Variants in PDZD2 observed in about 807,000 individuals in gnomAD.
PDZD2 encodes the protein PDZ domain-containing protein 2.
A neutral mutation model predicts 220.7 loss-of-function variants in PDZD2; 90 were observed. That is an observed-to-expected ratio of 0.41 (90% CI 0.34 to 0.49). The LOEUF (loss-of-function observed/expected upper bound fraction) is 0.49. PDZD2 is among the 20% of genes least tolerant of loss of function. PDZD2 has a pLI of 0.28. For missense variants in PDZD2, 3,174 were observed against 3,608.5 expected, an observed-to-expected ratio of 0.88 and a Z score of 3.08; for synonymous variants, 1,375 against 1,450.5, an observed-to-expected ratio of 0.95 and a Z score of 1.18.
intron 2 of PDZD2, among the ~76,000 whole-genome samples, chr5:31,829,934 G>A (rs1317418194): frequency 6.6e-6 from 1 of 151,930 alleles, no homozygotes; most frequent in Non-Finnish European, 1.5e-5. Flanking sequence ...TGTAATCCCA[G>A]CTGCTCTGGA....
chr5:32,046,959 C>G (rs952509335), intron 7 of PDZD2, among the ~76,000 whole-genome samples: 1 of 152,112 alleles, frequency 6.6e-6, no homozygotes, highest in African/African-American at 2.4e-5. Context: ...AGGAGAATCA[C>G]TTGAACCTGG....
At chr5:31,847,783 C>T (rs1757672472) in intron 2 of PDZD2, 10 of 580,938 alleles carry the variant, frequency 1.7e-5, no homozygotes, top group South Asian at 1.4e-4. Context: ...CTTGTCTATC[C>T]CTTGCAGTAC....
At chr5:31,742,234 G>A (rs1306059769) in intron 1 of PDZD2, 1 of 152,148 alleles carries the variant, frequency 6.6e-6, no homozygotes, top group Non-Finnish European at 1.5e-5. Flanking sequence ...AAACAACACA[G>A]GTGAAATAAT....
Position 31,821,479 on chromosome 5 carries a change from C to G in PDZD2, c.476+21755C>G, listed in dbSNP as rs577584178. Among the ~76,000 whole-genome samples, 11 of 152,058 alleles carry G rather than the reference C, an allele frequency of 7.2e-5. No homozygotes were observed. In the East Asian group the frequency reaches 2.1e-3, roughly 29 times the overall value. ...CACTGCAACCTCCGTCTCCCAGGTT[C>G]AAGTGATTTTCCTGCCTCAGCCTCC... On this transcript the variant is annotated intron_variant, in intron 2 of 24. Coordinates refer to ENST00000438447, the MANE Select transcript of PDZD2 (RefSeq NM_178140.4).
chr5:31,976,714 C>CTTTT (rs869280921), intron 2 of PDZD2, among the ~76,000 whole-genome samples: 167 of 99,686 alleles, frequency 1.7e-3, no homozygotes, highest in East Asian at 2.8e-3. Flanking sequence ...TTTCTTCTTT[C>CTTTT]TTTTTTTTTT....
chr5:31,853,530 T>C (rs920710362), intron 2 of PDZD2, among the ~76,000 whole-genome samples: 1 of 152,202 alleles, frequency 6.6e-6, no homozygotes, highest in African/African-American at 2.4e-5. Context: ...TTATTTACTA[T>C]GTGCTCTGGG....
chr5:31,880,094 AT>A (rs375822546), intron 2 of PDZD2, among the ~76,000 whole-genome samples: 4 of 149,300 alleles, frequency 2.7e-5, no homozygotes, highest in Non-Finnish European at 4.5e-5. Flanking sequence ...TACTTTTTGT[AT>A]TTTTTTTTAG....
intron 2 of PDZD2, among the ~76,000 whole-genome samples, chr5:31,815,305 G>C (rs1439415275): frequency 2.1e-5 from 3 of 145,244 alleles, no homozygotes; most frequent in Admixed American, 2.0e-4. Context: ...GACTGTAAAA[G>C]GTGCTAGACT....
rs576736192 is a variant in PDZD2, at chr5:32,048,419, G to C, written c.1520-120G>C. On this transcript the variant is annotated intron_variant, in intron 7 of 24. Coordinates refer to ENST00000438447, the MANE Select transcript of PDZD2 (RefSeq NM_178140.4). ...TAGGCTCTGTGCTTTGAGTGTATTG[G>C]ACGCTAGGCTTCTCAAAACCATGAA... The C allele has an allele frequency of 6.6e-6, 5 of 762,860 alleles. No homozygotes were observed. In the African/African-American group the frequency reaches 8.6e-5, roughly 13 times the overall value. The allele number at this position is 762,860 out of a possible 1,614,324, so 47.3% of individuals were successfully genotyped here.
At position 32,053,828 on chromosome 5, in the gene PDZD2, T is replaced by C; in HGVS notation, c.1845T>C (p.Phe615=). ...GCATTCGTGGACAGATGGGGATTTT[T>C]GTCAAGACCATCTTCCCAAATGGAT... ...RDCIRGQMGI[F]VKTIFPNGSA... is the part of the protein sequence containing the mutation. The change falls in exon 10 of 25, where the codon TTT becomes TTC. Residue 615 remains phenylalanine, a synonymous_variant. Transcript: ENST00000438447. 6.2e-7 allele frequency: 1 copy of C among 1,613,736 alleles called. No individual in the cohort carries two copies. Among genetic ancestry groups the C allele is most frequent in the Non-Finnish European group, 8.5e-7 (1 of 1,179,620 alleles).
intron 2 of PDZD2, among the ~76,000 whole-genome samples, chr5:31,831,023 A>G (rs1756551861): frequency 6.6e-6 from 1 of 152,258 alleles, no homozygotes; most frequent in South Asian, 2.1e-4. Flanking sequence ...GTGGAGACCC[A>G]GTTCCCTGTT....
intron 1 of PDZD2, among the ~76,000 whole-genome samples, chr5:31,746,189 C>T (rs1333476779): frequency 6.6e-6 from 1 of 152,152 alleles, no homozygotes; most frequent in Admixed American, 6.5e-5. Context: ...AGACAAATGC[C>T]CAGGTTCAAC....
intron 1 of PDZD2, among the ~76,000 whole-genome samples, chr5:31,757,604 A>G (rs904988998): frequency 2.4e-4 from 36 of 152,190 alleles, no homozygotes; most frequent in African/African-American, 7.7e-4. Context: ...AAAAAAAAAA[A>G]AGAATATGTG....
At chr5:32,019,149 T>TTC (rs1753998980) in intron 6 of PDZD2, among the ~76,000 whole-genome samples, 2 of 150,120 alleles carry the variant, frequency 1.3e-5, no homozygotes, top group South Asian at 4.3e-4. Flanking sequence ...CTTTTTTTTT[T>TTC]TTTTTTTTTT....
rs10076432 is a variant in PDZD2 at position 31,970,013 on chromosome 5, C to T, written c.477-13142C>T. Among the ~76,000 whole-genome samples the T allele has an allele frequency of 9.6e-3, 1,460 of 152,108 alleles. 18 individuals are homozygous for T. The highest frequency in any genetic ancestry group is 0.034 in the African/African-American group (1,421 of 41,486). ...TCCCGGGTTCAAGCAGTTCTCCTGC[C>T]TCAGCCTCCCGAGTAGCTGGGATTA... On this transcript the variant is annotated intron_variant, in intron 2 of 24. Coordinates refer to ENST00000438447, the MANE Select transcript of PDZD2 (RefSeq NM_178140.4).
intron 2 of PDZD2, among the ~76,000 whole-genome samples, chr5:31,891,931 G>A (rs1419385780): frequency 6.6e-6 from 1 of 151,456 alleles, no homozygotes; most frequent in Non-Finnish European, 1.5e-5. Flanking sequence ...TTTGCGGGGG[G>A]ACAGGGTCTC....
At chr5:31,809,105 C>A (rs186545197) in intron 2 of PDZD2, among the ~76,000 whole-genome samples, 2 of 152,150 alleles carry the variant, frequency 1.3e-5, no homozygotes, top group East Asian at 1.9e-4. Context: ...ACATCTAGAA[C>A]CTTCCATCTC....
At chr5:31,859,266 C>T (rs888788169) in intron 2 of PDZD2, among the ~76,000 whole-genome samples, 6 of 152,162 alleles carry the variant, frequency 3.9e-5, no homozygotes, top group African/African-American at 1.4e-4. Flanking sequence ...GGCTCTGTGT[C>T]AATTAAACCT....
At chr5:31,846,203 G>A (rs956823292) in intron 2 of PDZD2, among the ~76,000 whole-genome samples, 4 of 152,132 alleles carry the variant, frequency 2.6e-5, no homozygotes, top group East Asian at 1.9e-4. Context: ...GCGCAATCTC[G>A]CCTCACTGCA....
Sources: gnomAD v4.1 joint callset for allele counts (sites outside exome capture counted in the v4.1 genomes callset) on GRCh38, gnomAD v4.1.1 for gene constraint, MANE v1.5 for transcripts, NCBI Gene and HGNC (gene_info 2026-07-23, HGNC 2026-07-21) for gene names.